NAPEPLD: variants seen among roughly 807,000 people sequenced by gnomAD.
The protein encoded by NAPEPLD is N-acyl-phosphatidylethanolamine-hydrolyzing phospholipase D.
Under a neutral mutation model 38.1 loss-of-function variants are expected in NAPEPLD, and 23 were observed. The observed-to-expected ratio is 0.60, with a 90% CI of 0.43 to 0.86. The LOEUF (loss-of-function observed/expected upper bound fraction) is 0.86, where lower values mean the gene tolerates loss of function less well. Ranked by LOEUF, NAPEPLD falls within the 40% of genes least tolerant of loss-of-function variation. NAPEPLD has a pLI of 0.00. For synonymous variants in NAPEPLD, 147 were observed against 162.0 expected (o/e 0.91, Z 0.71); for missense variants, 411 against 476.8 (o/e 0.86, Z 1.28).
chr7:103,132,235 AACTC>A (rs1164881446), intron 1 of NAPEPLD, among the ~76,000 whole-genome samples: 3 of 152,214 alleles, frequency 2.0e-5, no homozygotes, highest in Non-Finnish European at 2.9e-5. Flanking sequence ...ATTTCATTTA[AACTC>A]ATGCTCCTAG....
chr7:103,145,820 C>T (rs547334432), intron 1 of NAPEPLD, among the ~76,000 whole-genome samples: 1 of 151,960 alleles, frequency 6.6e-6, no homozygotes, highest in East Asian at 1.9e-4. Flanking sequence ...GGCATACAAT[C>T]AGCATAGGAA....
intron 1 of NAPEPLD, chr7:103,141,415 C>T (rs1355293234): frequency 1.2e-6 from 1 of 853,016 alleles, no homozygotes; most frequent in Non-Finnish European, 2.1e-6. Flanking sequence ...CCTGGAGGTG[C>T]TCTTCATAGC....
intron 1 of NAPEPLD, among the ~76,000 whole-genome samples, chr7:103,145,392 C>G (rs77162477): frequency 0.058 from 8,824 of 152,094 alleles, 365 homozygotes; most frequent in African/African-American, 0.11. Flanking sequence ...TATATACAAT[C>G]GGCATTTAGT....
upstream of NAPEPLD, chr7:103,149,140 G>C: frequency 1.0e-6 from 1 of 986,108 alleles, no homozygotes; most frequent in Non-Finnish European, 1.2e-6. Flanking sequence ...GCAGCAGAGA[G>C]GTCACAGAGC....
At chr7:103,116,972 C>G (rs780846093) in intron 3 of NAPEPLD, among the ~76,000 whole-genome samples, 6 of 152,228 alleles carry the variant, frequency 3.9e-5, no homozygotes, top group Non-Finnish European at 5.9e-5. Context: ...AAAACCAACA[C>G]TTTCAGAAGA....
At position 103,103,321 on chromosome 7, in the gene NAPEPLD, G is replaced by T; in HGVS notation, c.*108C>A. ...CATAAAACATAAACTTGCAGAAGTTGTTTCCAAATGTAAAATAATCACAAT... is the reference window on the plus strand; with the variant it reads ...CATAAAACATAAACTTGCAGAAGTTTTTTCCAAATGTAAAATAATCACAAT... On this transcript the variant is annotated 3_prime_UTR_variant, in exon 5 of 5. Coordinates refer to ENST00000465647, the MANE Select transcript of NAPEPLD (RefSeq NM_001122838.3). 7.7e-7 allele frequency: 1 copy of T among 1,303,874 alleles called. No individual in the cohort carries two copies. The highest frequency in any genetic ancestry group is 1.0e-6 in the Non-Finnish European group (1 of 960,736). The allele number at this position is 1,303,874 out of a possible 1,614,324, so 80.8% of individuals were successfully genotyped here. A position where few individuals can be genotyped will look rare whatever the true frequency, so the allele number is the denominator to read the frequency against.
chr7:103,104,462 C>T (rs1802904882), intron 4 of NAPEPLD, among the ~76,000 whole-genome samples: 1 of 152,124 alleles, frequency 6.6e-6, no homozygotes, highest in South Asian at 2.1e-4. Context: ...AAGGGACAGC[C>T]AATGATGTGC....
intron 1 of NAPEPLD, among the ~76,000 whole-genome samples, chr7:103,130,321 A>G (rs1808664474): frequency 6.6e-6 from 1 of 152,224 alleles, no homozygotes; most frequent in Non-Finnish European, 1.5e-5. Context: ...GAAGAAAAGA[A>G]ACCCCAGCTG....
At chr7:103,117,019 C>T (rs538617613) in intron 3 of NAPEPLD, among the ~76,000 whole-genome samples, 7 of 152,342 alleles carry the variant, frequency 4.6e-5, no homozygotes, top group Admixed American at 2.0e-4. Context: ...AGAAAGTGTA[C>T]TGTCTACAAG....
intron 4 of NAPEPLD, among the ~76,000 whole-genome samples, chr7:103,109,066 C>G (rs1052610729): frequency 6.6e-6 from 1 of 152,198 alleles, no homozygotes; most frequent in Non-Finnish European, 1.5e-5. Flanking sequence ...GCACCCAATA[C>G]AGGAGCACCC....
chr7:103,115,708 G>A (rs1805431283), intron 3 of NAPEPLD, among the ~76,000 whole-genome samples: 1 of 152,092 alleles, frequency 6.6e-6, no homozygotes, highest in East Asian at 1.9e-4. Context: ...TTTTTTAAAC[G>A]ATACTGCTCC....
intron 1 of NAPEPLD, among the ~76,000 whole-genome samples, chr7:103,137,614 C>T (rs898255154): frequency 1.3e-5 from 2 of 151,810 alleles, no homozygotes; most frequent in African/African-American, 2.4e-5. Context: ...GGTTCATTTC[C>T]GGTATAATCA....
intron 4 of NAPEPLD, among the ~76,000 whole-genome samples, chr7:103,107,075 G>A (rs1193949530): frequency 1.3e-5 from 2 of 152,186 alleles, no homozygotes; most frequent in Non-Finnish European, 2.9e-5. Context: ...AATCTTTGCT[G>A]TTCTGCAGCC....
rs1273156746 is a variant in NAPEPLD at position 103,099,973 on chromosome 7, T to A, written c.*3456A>T. On this transcript the variant is annotated 3_prime_UTR_variant, in exon 5 of 5. Transcript: ENST00000465647. The stretch of plus-strand genomic sequence containing the variant: ...ATGCTTAGCATTAAGTAAATCAGTA[T>A]GCAAGCAGTATTTAAGGCAAAGCTT... 6.6e-6 allele frequency: 1 copy of A among 152,208 alleles called. No homozygotes were observed. Among genetic ancestry groups the A allele is most frequent in the Non-Finnish European group, 1.5e-5 (1 of 68,036 alleles). The allele number at this position is 152,208 out of a possible 1,614,324, so 9.4% of individuals were successfully genotyped here. A position where few individuals can be genotyped will look rare whatever the true frequency, so the allele number is the denominator to read the frequency against.
rs753109607 is a variant in NAPEPLD, at chr7:103,128,706, C to T, written c.71G>A (p.Arg24His). Residue 24 changes from arginine (R) to histidine (H), a missense_variant, in exon 2 of 5, where the codon CGT becomes CAT. By Grantham distance (29) the Arg-to-His change is conservative. Transcript: ENST00000465647. ...SQYPKEAVRK[R>H]QNSARNSGAS... ...TCCGGAATTCCGTGCTGAATTTTGA[C>T]GTTTTCTTACTGCTTCTTTAGGATA... The T allele has an allele frequency of 1.2e-5, 19 of 1,614,116 alleles. No individual in the cohort carries two copies. Among genetic ancestry groups the T allele is most frequent in the East Asian group, 2.2e-5 (1 of 44,872 alleles).
intron 1 of NAPEPLD, among the ~76,000 whole-genome samples, chr7:103,143,434 T>C (rs1230548256): frequency 6.6e-6 from 1 of 152,158 alleles, no homozygotes; most frequent in Non-Finnish European, 1.5e-5. Context: ...CCCGTTTTAC[T>C]TAGGGTAACT....
Position 103,119,576 on chromosome 7 carries a change from C to T in NAPEPLD, c.941+1G>A. ...AATGTTTTCTTTGGAAGTCTACATA[C>T]CTCGGTTCATAAGCTCCGATGGGAA... On this transcript the variant is annotated splice_donor_variant, in intron 3 of 4. Coordinates refer to ENST00000465647, the MANE Select transcript of NAPEPLD (RefSeq NM_001122838.3). LOFTEE classifies it high-confidence loss of function. 5.6e-6 allele frequency: 9 copies of T among 1,611,850 alleles called. No homozygotes were observed. Among genetic ancestry groups the T allele is most frequent in the Non-Finnish European group, 7.6e-6 (9 of 1,178,676 alleles).
chr7:103,102,168 A>G lies in NAPEPLD; in HGVS notation c.*1261T>C, dbSNP rs918444163. The stretch of plus-strand genomic sequence containing the variant: ...TCCAGGAAAAAAAAAATGTGTAGAG[A>G]AAATTAAAAACAAATTTAATTCAAA... On this transcript the variant is annotated 3_prime_UTR_variant, in exon 5 of 5. Coordinates refer to ENST00000465647, the MANE Select transcript of NAPEPLD (RefSeq NM_001122838.3). 4 of 152,186 alleles carry G rather than the reference A, an allele frequency of 2.6e-5. No homozygotes were observed. The highest frequency in any genetic ancestry group is 9.6e-5 in the African/African-American group (4 of 41,456). The allele number at this position is 152,186 out of a possible 1,614,324, so 9.4% of individuals were successfully genotyped here.
upstream of NAPEPLD, chr7:103,149,542 G>T: frequency 8.2e-7 from 1 of 1,215,002 alleles, no homozygotes; most frequent in Non-Finnish European, 1.1e-6. Flanking sequence ...TGACAGCAGG[G>T]CCAGCGGTGG....
Sources: gnomAD v4.1 joint callset for allele counts (sites outside exome capture counted in the v4.1 genomes callset) on GRCh38, gnomAD v4.1.1 for gene constraint, MANE v1.5 for transcripts, NCBI Gene and HGNC (gene_info 2026-07-23, HGNC 2026-07-21) for gene names.